Variants in TTC28 observed in about 807,000 individuals in gnomAD.
The protein encoded by TTC28 is tetratricopeptide repeat protein 28.
In TTC28, 61 loss-of-function variants were observed where a neutral mutation model predicts 198.0. That is an observed-to-expected ratio of 0.31 (90% CI 0.25 to 0.38). The LOEUF (loss-of-function observed/expected upper bound fraction) is 0.38, where lower values mean the gene tolerates loss of function less well. Ranked by LOEUF, TTC28 falls within the 10% of genes least tolerant of loss-of-function variation. The pLI is 1.00. For synonymous variants in TTC28, 1,171 were observed against 1,297.8 expected (o/e 0.90, Z 2.10); for missense variants, 2,678 against 3,164.0 (o/e 0.85, Z 3.69).
chr22:28,646,551 G>C (rs1050459075), intron 1 of TTC28, among the ~76,000 whole-genome samples: 25 of 152,132 alleles, frequency 1.6e-4, no homozygotes, highest in African/African-American at 6.0e-4. Flanking sequence ...ATTAGAGATA[G>C]CAACCCTAAT....
intron 2 of TTC28, among the ~76,000 whole-genome samples, chr22:28,522,504 A>AG (rs1308709082): frequency 1.3e-5 from 2 of 151,944 alleles, no homozygotes; most frequent in Non-Finnish European, 2.9e-5. Context: ...AAAAAAAAAA[A>AG]CTGAGACACA....
chr22:28,388,202 A>C (rs1366562704), intron 2 of TTC28, among the ~76,000 whole-genome samples: 2 of 152,116 alleles, frequency 1.3e-5, no homozygotes, highest in African/African-American at 4.8e-5. Context: ...CCATTGATCT[A>C]TATCTCTGTT....
chr22:28,616,479 T>C (rs1220026378), intron 2 of TTC28, among the ~76,000 whole-genome samples: 1 of 152,216 alleles, frequency 6.6e-6, no homozygotes, highest in Non-Finnish European at 1.5e-5. Context: ...TTTTTCTTAG[T>C]GTGACACTGT....
At chr22:28,144,127 A>G (rs1333427755) in intron 6 of TTC28, among the ~76,000 whole-genome samples, 2 of 152,192 alleles carry the variant, frequency 1.3e-5, no homozygotes, top group Non-Finnish European at 2.9e-5. Flanking sequence ...CACATACATC[A>G]ACTCATTTAA....
chr22:28,235,151 C>G (rs901706030), intron 5 of TTC28, among the ~76,000 whole-genome samples: 36 of 152,228 alleles, frequency 2.4e-4, no homozygotes, highest in African/African-American at 8.7e-4. Flanking sequence ...TGCCACCAGC[C>G]CTCAGGTCAC....
Position 27,998,965 on chromosome 22 carries a change from T to C in TTC28, c.4694A>G (p.Asn1565Ser). The change falls in exon 16 of 23, where the codon AAC (asparagine) becomes AGC (serine). Residue 1565 changes from asparagine (N) to serine (S), a missense_variant. Physicochemically the swap from Asn to Ser is conservative, Grantham distance 46 (BLOSUM62 1). Around this residue, in one of 8 missense-constraint regions of TTC28, gnomAD observed 727 missense variants for 861.9 expected, o/e 0.84. Coordinates refer to ENST00000397906, the MANE Select transcript of TTC28 (RefSeq NM_001145418.2). ...GAAGGAGCTCTTGCTGCTGGCAGGGTTGCCGTCCATGCTGGGCGTGAGGAC... is the reference window on the plus strand; with the variant it reads ...GAAGGAGCTCTTGCTGCTGGCAGGGCTGCCGTCCATGCTGGGCGTGAGGAC... The part of the protein sequence containing the change: ...ALVLTPSMDG[N>S]PASSKSSFGH... 6.5e-7 allele frequency: 1 copy of C among 1,550,182 alleles called. No individual in the cohort carries two copies. The highest frequency in any genetic ancestry group is 8.7e-7 in the Non-Finnish European group (1 of 1,146,830).
intron 5 of TTC28, among the ~76,000 whole-genome samples, chr22:28,240,664 T>G (rs1929596590): frequency 6.6e-6 from 1 of 152,052 alleles, no homozygotes; most frequent in African/African-American, 2.4e-5. Context: ...TAAACCATTC[T>G]CCCTTAAAGG....
intron 6 of TTC28, among the ~76,000 whole-genome samples, chr22:28,119,445 A>G (rs970565757): frequency 1.3e-5 from 2 of 152,238 alleles, no homozygotes; most frequent in African/African-American, 4.8e-5. Context: ...ACACCAGATC[A>G]TCTCACCTAA....
intron 19 of TTC28, among the ~76,000 whole-genome samples, chr22:27,991,568 T>C (rs181205168): frequency 6.6e-6 from 1 of 152,358 alleles, no homozygotes; most frequent in East Asian, 1.9e-4. Context: ...TATTTCTCCA[T>C]AGAAATATTT....
chr22:28,357,341 CAG>C (rs1319003211), intron 2 of TTC28, among the ~76,000 whole-genome samples: 3 of 109,176 alleles, frequency 2.7e-5, no homozygotes, highest in African/African-American at 1.1e-4. Context: ...TTTTTTGAGA[CAG>C]AGCCTCTGTC....
chr22:28,633,287 A>G (rs1569073394), intron 1 of TTC28, among the ~76,000 whole-genome samples: 1 of 151,642 alleles, frequency 6.6e-6, no homozygotes, highest in Non-Finnish European at 1.5e-5. Context: ...TCTCAAAAAA[A>G]AAAAAGAAAA....
intron 6 of TTC28, among the ~76,000 whole-genome samples, chr22:28,118,300 G>A (rs1942690803): frequency 6.6e-6 from 1 of 152,034 alleles, no homozygotes; most frequent in Admixed American, 6.6e-5. Context: ...TCAGGAGGCT[G>A]AGGTGGGAGA....
At chr22:28,554,317 G>A (rs535516036) in intron 2 of TTC28, among the ~76,000 whole-genome samples, 1 of 147,510 alleles carries the variant, frequency 6.8e-6, no homozygotes, top group Non-Finnish European at 1.5e-5. Context: ...CTCCACTATT[G>A]TCCTATGACC....
intron 5 of TTC28, among the ~76,000 whole-genome samples, chr22:28,178,719 A>C (rs1923416268): frequency 6.6e-6 from 1 of 152,154 alleles, no homozygotes; most frequent in Non-Finnish European, 1.5e-5. Flanking sequence ...AATCTAAAGC[A>C]TTTTTCATAT....
intron 2 of TTC28, among the ~76,000 whole-genome samples, chr22:28,627,365 T>C (rs1045380260): frequency 6.6e-6 from 1 of 152,156 alleles, no homozygotes; most frequent in African/African-American, 2.4e-5. Context: ...AACAGGAATG[T>C]GAACCTAGGT....
chr22:27,985,536 G>A (rs563412122), intron 21 of TTC28, among the ~76,000 whole-genome samples, 180 bp from the exon 22 acceptor site: 2 of 152,316 alleles, frequency 1.3e-5, no homozygotes, highest in African/African-American at 2.4e-5. Flanking sequence ...GAGGGGTCGG[G>A]CTGCCCCACC....
intron 2 of TTC28, among the ~76,000 whole-genome samples, chr22:28,344,249 T>C (rs1270046226): frequency 6.6e-6 from 1 of 151,804 alleles, no homozygotes; most frequent in African/African-American, 2.4e-5. Flanking sequence ...GAAACATATA[T>C]TCTCTGAAGC....
intron 2 of TTC28, among the ~76,000 whole-genome samples, chr22:28,340,512 G>T (rs1211621445): frequency 6.6e-6 from 1 of 150,728 alleles, no homozygotes; most frequent in Non-Finnish European, 1.5e-5. Flanking sequence ...AAAAATCTTG[G>T]ATAAGTAATC....
intron 13 of TTC28, among the ~76,000 whole-genome samples, chr22:28,029,781 T>C (rs1486845696): frequency 1.3e-5 from 2 of 152,152 alleles, no homozygotes; most frequent in African/African-American, 4.8e-5. Context: ...GCCCAGTTTC[T>C]CCCTCCAACA....
Sources: gnomAD v4.1 joint callset for allele counts (sites outside exome capture counted in the v4.1 genomes callset) on GRCh38, gnomAD v4.1.1 for gene constraint, gnomAD v4.1.1 regional missense constraint, MANE v1.5 for transcripts, NCBI Gene and HGNC (gene_info 2026-07-23, HGNC 2026-07-21) for gene names.